MYO15B: variants seen among roughly 807,000 people sequenced by gnomAD.
The protein encoded by MYO15B is myosin XVB pseudogene.
MYO15B carries 207 observed loss-of-function variants against 119.3 expected under a neutral mutation model. The observed-to-expected ratio is 1.73, with a 90% CI of 1.55 to 1.95. The LOEUF is 1.95. MYO15B is among the 30% of genes most tolerant of loss of function. MYO15B has a pLI of 0.00. For missense variants in MYO15B, 2,264 were observed against 1,203.1 expected, an observed-to-expected ratio of 1.88 and a Z score of -13.04; for synonymous variants, 966 against 498.9, an observed-to-expected ratio of 1.94 and a Z score of -12.48.
At chr17:75,626,592 A>C (rs1414027152) in exon 64 of MYO15B, 3 of 664,046 alleles carry the variant, frequency 4.5e-6, no homozygotes, top group African/African-American at 3.5e-5. Flanking sequence ...AACCTGCCTC[A>C]GCACAGCCCA....
chr17:75,617,837 G>A, exon 42 of MYO15B: 1 of 702,884 alleles, frequency 1.4e-6, no homozygotes, highest in Non-Finnish European at 2.6e-6. Context: ...GAGGACCAGG[G>A]GGTCTCCACC....
rs761149535 is a variant in MYO15B, at chr17:75,625,117, G to C, written c.8689-6G>C. 18 of 692,116 alleles carry C rather than the reference G, an allele frequency of 2.6e-5. No homozygotes were observed. The highest frequency in any genetic ancestry group is 5.3e-6 in the Non-Finnish European group (2 of 377,772). 42.9% of individuals were successfully genotyped at this position (692,116 alleles called of 1,614,324 possible). ...CGCTGCCCTCCTCACCGTGCTCCCCGCACAGGTGCTGTGGGACTACCTTCA... is the reference window on the plus strand; with the variant it reads ...CGCTGCCCTCCTCACCGTGCTCCCCCCACAGGTGCTGTGGGACTACCTTCA... On this transcript the variant is annotated splice_region_variant and splice_polypyrimidine_tract_variant and intron_variant, in intron 59 of 63. Transcript: ENST00000645453.
At chr17:75,603,541 CCT>C (rs2057425707) in intron 19 of MYO15B, among the ~76,000 whole-genome samples, 2 of 152,246 alleles carry the variant, frequency 1.3e-5, no homozygotes, top group Non-Finnish European at 2.9e-5. Context: ...CATTTCTTCT[CCT>C]CTCTGCAAAC....
At chr17:75,591,220 T>G (rs1444835540) in exon 4 of MYO15B, 1 of 702,854 alleles carries the variant, frequency 1.4e-6, no homozygotes, top group Non-Finnish European at 2.6e-6. Flanking sequence ...CTCAGAATAC[T>G]GGGCAGGACC....
At chr17:75,624,663 C>T (rs534819722) in intron 58 of MYO15B, 24 bp downstream of exon 58, 28 of 702,828 alleles carry the variant, frequency 4.0e-5, no homozygotes, top group African/African-American at 5.2e-5. Context: ...CGGAGCCTCA[C>T]GGTGGGGCCA....
chr17:75,603,655 C>A (rs1427385445), intron 19 of MYO15B, among the ~76,000 whole-genome samples: 1 of 147,972 alleles, frequency 6.8e-6, no homozygotes, highest in East Asian at 2.0e-4. Flanking sequence ...CCAGGGAGTG[C>A]AGGCTGAAGC....
chr17:75,620,827 G>A (rs1411473942), intron 49 of MYO15B, 191 bp downstream of exon 49: 6 of 701,824 alleles, frequency 8.5e-6, no homozygotes, highest in Non-Finnish European at 1.6e-5. Context: ...CTTGCAGGCA[G>A]GGGCTGGGCT....
intron 14 of MYO15B, chr17:75,600,596 TTTTTTTGAGACGGAG>T (rs1006334740): frequency 8.1e-6 from 1 of 124,044 alleles, no homozygotes; most frequent in Non-Finnish European, 1.8e-5. Flanking sequence ...TCTTTTTTTT[TTTTTTTGAGACGGAG>T]TTTGGTTCTT....
At chr17:75,602,365 A>C (rs939878335) in intron 15 of MYO15B, 152 bp from the exon 16 acceptor site, 2 of 700,192 alleles carry the variant, frequency 2.9e-6, no homozygotes, top group Non-Finnish European at 5.2e-6. Context: ...TGGCAGACCC[A>C]AGGCTAGGTA....
intron 12 of MYO15B, among the ~76,000 whole-genome samples, chr17:75,595,425 T>A (rs1362147708): frequency 6.6e-6 from 1 of 152,108 alleles, no homozygotes; most frequent in African/African-American, 2.4e-5. Context: ...TGGGAGGAGT[T>A]GCTTAGTGCA....
exon 45 of MYO15B, chr17:75,619,443 G>C (rs2058570924): frequency 2.8e-6 from 2 of 702,526 alleles, no homozygotes; most frequent in African/African-American, 1.7e-5. Flanking sequence ...GGGACAACTG[G>C]GCCAATTACT....
rs1171315367 is a variant in MYO15B at position 75,619,864 on chromosome 17, C to G, written c.7302-15C>G. 7 of 702,034 alleles carry G rather than the reference C, an allele frequency of 1.0e-5. No homozygotes were observed. Among genetic ancestry groups the G allele is most frequent in the Non-Finnish European group, 1.8e-5 (7 of 384,466 alleles). The allele number at this position is 702,034 out of a possible 1,614,324, so 43.5% of individuals were successfully genotyped here. ...GTGGCAAGGTGACCTCAGTTCATGC[C>G]CGATCCCTGCGCAGCTTTGCGGAGG... On this transcript the variant is annotated splice_polypyrimidine_tract_variant and intron_variant, in intron 46 of 63. Transcript: ENST00000645453.
chr17:75,601,896 C>T (rs928266296), intron 15 of MYO15B, among the ~76,000 whole-genome samples: 8 of 152,174 alleles, frequency 5.3e-5, no homozygotes, highest in East Asian at 1.9e-4. Context: ...TAAGCTCTGG[C>T]GTTGCTGTGA....
intron 56 of MYO15B, 40 bp downstream of exon 56, chr17:75,624,309 G>A (rs1426963242): frequency 1.3e-5 from 9 of 702,910 alleles, no homozygotes; most frequent in Non-Finnish European, 2.3e-5. Context: ...GACACCCTGG[G>A]GTGGGGAGTG....
chr17:75,619,645 C>T, intron 45 of MYO15B, 36 bp from the exon 46 acceptor site: 1 of 702,000 alleles, frequency 1.4e-6, no homozygotes, highest in Middle Eastern at 2.3e-4. Flanking sequence ...GTAGCAGGAC[C>T]CAGGAGACTG....
exon 13 of MYO15B, chr17:75,596,491 G>A (rs1221485016): frequency 5.7e-6 from 4 of 702,740 alleles, no homozygotes; most frequent in Admixed American, 4.0e-5. Flanking sequence ...GAGCAACTGT[G>A]CAACAACCTC....
rs188262515 is a variant in MYO15B, at chr17:75,626,374, G to A, written c.9214-33G>A. 119 of 702,994 alleles carry A rather than the reference G, an allele frequency of 1.7e-4. No individual in the cohort carries two copies. In the Admixed American group the frequency reaches 2.3e-3, roughly 14 times the overall value. 43.5% of individuals were successfully genotyped at this position (702,994 alleles called of 1,614,324 possible). A position where few individuals can be genotyped will look rare whatever the true frequency, so the allele number is the denominator to read the frequency against. On this transcript the variant is annotated intron_variant, in intron 63 of 63. Transcript: ENST00000645453. ...GGGCAGAGGCGAGGGGCTGGCTGGG[G>A]AGCCCTCTTGTAACAGGCCTTTCTC...
At chr17:75,600,904 A>ATTT (rs540929270) in intron 14 of MYO15B, among the ~76,000 whole-genome samples, 1 of 113,582 alleles carries the variant, frequency 8.8e-6, no homozygotes, top group Non-Finnish European at 1.8e-5. Context: ...CTAATTTTTA[A>ATTT]TTTTTTTTTT....
At chr17:75,621,976 T>G (rs1273460455) in intron 52 of MYO15B, 28 bp from the exon 53 acceptor site, 1 of 702,748 alleles carries the variant, frequency 1.4e-6, no homozygotes, top group Admixed American at 2.0e-5. Flanking sequence ...GCCCCAGCTA[T>G]GTGCCCTGTT....
Sources: gnomAD v4.1 joint callset for allele counts (sites outside exome capture counted in the v4.1 genomes callset) on GRCh38, gnomAD v4.1.1 for gene constraint, MANE v1.5 for transcripts, NCBI Gene and HGNC (gene_info 2026-07-23, HGNC 2026-07-21) for gene names.